The following CGAS variants were observed in gnomAD, a reference collection of about 807,000 sequenced individuals.
CGAS encodes the protein 2'3'-cGAMP synthase.
CGAS carries 31 observed loss-of-function variants against 34.0 expected under a neutral mutation model. That is an observed-to-expected ratio of 0.91 (90% CI 0.69 to 1.23). The LOEUF is 1.23. Among genes scored for constraint, CGAS ranks in the 50% most tolerant of loss-of-function variants. CGAS has a pLI of 0.00. For synonymous variants in CGAS, 266 were observed against 260.0 expected, an observed-to-expected ratio of 1.02 and a Z score of -0.22; for missense variants, 597 against 657.6, an observed-to-expected ratio of 0.91 and a Z score of 1.01.
intron 3 of CGAS, among the ~76,000 whole-genome samples, chr6:73,431,966 C>G (rs80138863): frequency 0.029 from 4,355 of 151,608 alleles, 89 homozygotes; most frequent in Middle Eastern, 0.058. Flanking sequence ...AATAGCGGGA[C>G]CAGAAGCATA....
At chr6:73,427,501 C>T (rs952248585) in intron 4 of CGAS, among the ~76,000 whole-genome samples, 9 of 151,930 alleles carry the variant, frequency 5.9e-5, no homozygotes, top group African/African-American at 9.7e-5. Context: ...GGTTTCGCCA[C>T]GTAGGCCAGG....
At chr6:73,439,692 GAGA>G (rs1004362224) in intron 3 of CGAS, 2 of 153,160 alleles carry the variant, frequency 1.3e-5, no homozygotes, top group African/African-American at 4.8e-5. Context: ...GAAGGAAAGA[GAGA>G]ACCAGGGCTG....
At chr6:73,439,893 A>G (rs1296153651) in intron 3 of CGAS, 4 of 280,396 alleles carry the variant, frequency 1.4e-5, no homozygotes, top group African/African-American at 9.0e-5. Context: ...AATTCACACA[A>G]CTAGTAGAAG....
chr6:73,445,256 C>T (rs1185999327), intron 2 of CGAS, among the ~76,000 whole-genome samples: 1 of 151,492 alleles, frequency 6.6e-6, no homozygotes, highest in African/African-American at 2.4e-5. Flanking sequence ...TTAATTTAAT[C>T]AATATTCATT....
chr6:73,451,987 G>C lies in CGAS; in HGVS notation c.195C>G (p.Ala65=). 6.8e-7 allele frequency: 1 copy of C among 1,479,146 alleles called. No individual in the cohort carries two copies. Among genetic ancestry groups the C allele is most frequent in the Non-Finnish European group, 9.0e-7 (1 of 1,113,396 alleles). 91.6% of individuals were successfully genotyped at this position (1,479,146 alleles called of 1,614,324 possible). A position where few individuals can be genotyped will look rare whatever the true frequency, so the allele number is the denominator to read the frequency against. Residue 65 remains alanine (A), a synonymous_variant, in exon 1 of 5, where the codon GCC becomes GCG. Coordinates refer to ENST00000370315, the MANE Select transcript of CGAS (RefSeq NM_138441.3). ...RKSGSRQKKS[A]PDTQERPPVR... is the part of the protein sequence containing the mutation. The stretch of plus-strand genomic sequence containing the variant: ...CGGGCGGCCTCTCCTGGGTGTCCGG[G>C]GCGCTCTTTTTCTGCCGGGATCCCG...
intron 3 of CGAS, 80 bp from the exon 4 acceptor site, chr6:73,428,891 T>C: frequency 7.8e-7 from 1 of 1,283,478 alleles, no homozygotes; most frequent in Non-Finnish European, 1.1e-6. Flanking sequence ...GTTTCCCTCA[T>C]GAAAATATCC....
chr6:73,428,739 C>A lies in CGAS; in HGVS notation c.1187G>T (p.Cys396Phe). The A allele has an allele frequency of 6.2e-7, 1 of 1,613,800 alleles. No individual in the cohort carries two copies. Among genetic ancestry groups the A allele is most frequent in the South Asian group, 1.1e-5 (1 of 90,980 alleles). Residue 396 changes from cysteine (C) to phenylalanine (F), a missense_variant, in exon 4 of 5, where the codon TGC becomes TTC. This residue lies in a region of CGAS where 271 missense variants were observed against 324.1 expected (regional missense o/e 0.84). Transcript: ENST00000370315. ...ILNNHGKSKT[C>F]CENKEEKCCR... The stretch of plus-strand genomic sequence containing the variant: ...ACATTTCTCTTCTTTGTTTTCACAG[C>A]ACGTTTTAGATTTTCCATGATTGTT...
chr6:73,428,120 G>C (rs958096813), intron 4 of CGAS, among the ~76,000 whole-genome samples: 2 of 151,734 alleles, frequency 1.3e-5, no homozygotes, highest in African/African-American at 2.4e-5. Flanking sequence ...GCTACTTGGG[G>C]GGCTGAGGTA....
chr6:73,451,712 T>G lies in CGAS; in HGVS notation c.470A>C (p.Asp157Ala). 6.2e-7 allele frequency: 1 copy of G among 1,613,498 alleles called. No individual in the cohort carries two copies. The highest frequency in any genetic ancestry group is 8.5e-7 in the Non-Finnish European group (1 of 1,179,942). ...GAGCTTCGAGGCCCCAGGCGCCGCATCCCTCCGTACGAGAATGGGGGCCGA... is the reference window on the plus strand; with the variant it reads ...GAGCTTCGAGGCCCCAGGCGCCGCAGCCCTCCGTACGAGAATGGGGGCCGA... ...PVSAPILVRR[D>A]AAPGASKLRA... The change falls in exon 1 of 5, where the codon GAT becomes GCT. Residue 157 changes from aspartate (D) to alanine (A), a missense_variant. By Grantham distance (126) the Asp-to-Ala change is moderately radical (BLOSUM62 -2). Coordinates refer to ENST00000370315, the MANE Select transcript of CGAS (RefSeq NM_138441.3).
chr6:73,426,840 C>CT lies in CGAS; in HGVS notation c.1218-1263dup, dbSNP rs1396742833. On this transcript the variant is annotated intron_variant, in intron 4 of 4. Coordinates refer to ENST00000370315, the MANE Select transcript of CGAS (RefSeq NM_138441.3). ...CTATTTAGCCTTATCAACAATATTT[C>CT]TTTTTTTTTTTCTTTTTCCTTTTTT... Among the ~76,000 whole-genome samples the CT allele has an allele frequency of 2.0e-3, 285 of 145,038 alleles. 3 individuals carry two copies. The highest frequency in any genetic ancestry group is 5.9e-3 in the African/African-American group (236 of 39,720).
chr6:73,451,829 G>A lies in CGAS; in HGVS notation c.353C>T (p.Ala118Val). The A allele has an allele frequency of 6.4e-7, 1 of 1,553,702 alleles. No individual in the cohort carries two copies. The highest frequency in any genetic ancestry group is 8.7e-7 in the Non-Finnish European group (1 of 1,149,534). ...CGCGCCCCTCTGGCGGCAAGAACCAGCCCTGGAAAGAGCCGGCTCCCGAGC... is the reference window on the plus strand; with the variant it reads ...CGCGCCCCTCTGGCGGCAAGAACCAACCCTGGAAAGAGCCGGCTCCCGAGC... ...PAAREPALSR[A>V]GSCRQRGARC... The change falls in exon 1 of 5, where the codon GCT becomes GTT. Residue 118 changes from alanine (A) to valine (V), a missense_variant. Physicochemically the swap from Ala to Val is moderately conservative, Grantham distance 64. Around this residue, in one of 3 missense-constraint regions of CGAS, gnomAD observed 321 missense variants for 314.3 expected, o/e 1.02. Coordinates refer to ENST00000370315, the MANE Select transcript of CGAS (RefSeq NM_138441.3).
chr6:73,431,916 A>T (rs1770200632), intron 3 of CGAS, among the ~76,000 whole-genome samples: 1 of 151,852 alleles, frequency 6.6e-6, no homozygotes, highest in South Asian at 2.1e-4. Flanking sequence ...TGAAACCTCG[A>T]CTTCCCAGCC....
intron 3 of CGAS, 135 bp downstream of exon 3, chr6:73,440,074 C>T (rs955468978): frequency 3.3e-5 from 24 of 726,162 alleles, no homozygotes; most frequent in Non-Finnish European, 4.2e-5. Context: ...CACCAGACTC[C>T]CATCTTATAA....
At chr6:73,434,343 A>C (rs896879649) in intron 3 of CGAS, among the ~76,000 whole-genome samples, 1 of 152,206 alleles carries the variant, frequency 6.6e-6, no homozygotes, top group African/African-American at 2.4e-5. Flanking sequence ...TCAACTGTAC[A>C]TGACTGTAAA....
chr6:73,437,884 A>G (rs547082163), intron 3 of CGAS, among the ~76,000 whole-genome samples: 1 of 152,194 alleles, frequency 6.6e-6, no homozygotes, highest in Non-Finnish European at 1.5e-5. Flanking sequence ...CCTGGCCAAT[A>G]TGGTGAAACC....
chr6:73,430,909 C>T (rs1362919672), intron 3 of CGAS, among the ~76,000 whole-genome samples: 1 of 151,712 alleles, frequency 6.6e-6, no homozygotes, highest in Non-Finnish European at 1.5e-5. Context: ...CAAGAGCAGC[C>T]TGGCAAACAT....
At chr6:73,448,540 C>T (rs1770506490) in intron 1 of CGAS, among the ~76,000 whole-genome samples, 1 of 152,180 alleles carries the variant, frequency 6.6e-6, no homozygotes. Context: ...ACTGACAATT[C>T]TACAGGGAAT....
chr6:73,430,797 A>G (rs956542974), intron 3 of CGAS, among the ~76,000 whole-genome samples: 3 of 151,874 alleles, frequency 2.0e-5, no homozygotes, highest in Non-Finnish European at 4.4e-5. Flanking sequence ...TGTTACTTAC[A>G]ATAGTATAAA....
At chr6:73,434,339 G>C (rs1015313628) in intron 3 of CGAS, among the ~76,000 whole-genome samples, 1 of 152,182 alleles carries the variant, frequency 6.6e-6, no homozygotes, top group Non-Finnish European at 1.5e-5. Flanking sequence ...AGGGTCAACT[G>C]TACATGACTG....
Sources: allele counts gnomAD v4.1 joint callset (sites outside exome capture counted in the v4.1 genomes callset), GRCh38; gene constraint gnomAD v4.1.1; regional missense constraint gnomAD v4.1.1; transcripts MANE v1.5; gene names NCBI Gene and HGNC (gene_info 2026-07-23, HGNC 2026-07-21).